The following IKBKB variants were observed in gnomAD, a reference collection of about 807,000 sequenced individuals.
IKBKB encodes inhibitor of nuclear factor kappa-B kinase subunit beta.
Under a neutral mutation model 113.6 loss-of-function variants are expected in IKBKB, and 42 were observed. That is an observed-to-expected ratio of 0.37 (90% CI 0.29 to 0.48). IKBKB has a LOEUF of 0.48. IKBKB is among the 20% of genes least tolerant of loss of function. The pLI is 0.99. For synonymous variants in IKBKB, 296 were observed against 361.3 expected (o/e 0.82, Z 2.05); for missense variants, 673 against 939.7 (o/e 0.72, Z 3.71).
chr8:42,287,521 T>G (rs1585584596), intron 2 of IKBKB, among the ~76,000 whole-genome samples: 1 of 151,962 alleles, frequency 6.6e-6, no homozygotes, highest in Non-Finnish European at 1.5e-5. Context: ...AGCGCCAGGG[T>G]GGGTGGGGCC....
intron 21 of IKBKB, chr8:42,330,171 C>A: frequency 1.0e-6 from 1 of 985,356 alleles, no homozygotes; most frequent in Non-Finnish European, 1.2e-6. Context: ...GGAGTGAGTG[C>A]TGTGAGCCAC....
At chr8:42,328,409 T>G (rs374700100) in intron 20 of IKBKB, among the ~76,000 whole-genome samples, 1 of 152,182 alleles carries the variant, frequency 6.6e-6, no homozygotes, top group Non-Finnish European at 1.5e-5. Context: ...GGCAGAAATG[T>G]GCTCTGAGCT....
intron 5 of IKBKB, among the ~76,000 whole-genome samples, chr8:42,303,508 TTTC>T (rs200863431): frequency 0.027 from 4,054 of 152,028 alleles, 98 homozygotes; most frequent in East Asian, 0.094. Context: ...TCTTTTTCTT[TTTC>T]TTTTTTTTTT....
chr8:42,329,488 G>T (rs1047780539), intron 21 of IKBKB: 1 of 851,254 alleles, frequency 1.2e-6, no homozygotes, highest in African/African-American at 1.8e-5. Flanking sequence ...ACATTCAGCT[G>T]ATTTTTTCAG....
intron 15 of IKBKB, chr8:42,319,939 A>G (rs957978685): frequency 2.8e-6 from 1 of 352,326 alleles, no homozygotes; most frequent in Non-Finnish European, 5.1e-6. Flanking sequence ...CCTGTTAGGA[A>G]GGGCATTGGA....
chr8:42,306,330 C>A lies in IKBKB; in HGVS notation c.478-13C>A. On this transcript the variant is annotated splice_polypyrimidine_tract_variant and intron_variant, in intron 6 of 21. Coordinates refer to ENST00000520810, the MANE Select transcript of IKBKB (RefSeq NM_001556.3). Reference sequence around the variant, plus strand: ...TCTTATAACCCTCAGCTTTCTCCTTCCTTTTGTTTTAGTTAATACACAAAA... The same window carrying A: ...TCTTATAACCCTCAGCTTTCTCCTTACTTTTGTTTTAGTTAATACACAAAA... 1 of 1,545,642 alleles carries A rather than the reference C, an allele frequency of 6.5e-7. No homozygotes were observed. Among genetic ancestry groups the A allele is most frequent in the Non-Finnish European group, 8.9e-7 (1 of 1,117,642 alleles).
In IKBKB at chr8:42,293,647, G is replaced by A. The variant is rs547552140; in HGVS notation, c.388+135G>A. ...GAAGGGGAATGGGAGCCCAGGGACG[G>A]GGGACCCTGGTGGAGTAGGGAGGTC... On this transcript the variant is annotated intron_variant, in intron 5 of 21. Transcript: ENST00000520810. 119 of 1,489,722 alleles carry A rather than the reference G, an allele frequency of 8.0e-5. No homozygotes were observed. The African/African-American group carries it at 1.5e-3, about 19-fold the overall frequency. The allele number at this position is 1,489,722 out of a possible 1,614,324, so 92.3% of individuals were successfully genotyped here.
At chr8:42,300,392 A>G (rs539340994) in intron 5 of IKBKB, among the ~76,000 whole-genome samples, 1 of 152,278 alleles carries the variant, frequency 6.6e-6, no homozygotes, top group South Asian at 2.1e-4. Context: ...CTTTTGGACC[A>G]TTTCTCTTTC....
rs1585794663 is a variant in IKBKB at position 42,321,754 on chromosome 8, G to C, written c.1689-142G>C. ...ATCTGTAATCCCAGCACCTTGGGAT[G>C]CCAAGGCAAGAAGATTGCTTGTGAG... On this transcript the variant is annotated intron_variant, in intron 16 of 21. Coordinates refer to ENST00000520810, the MANE Select transcript of IKBKB (RefSeq NM_001556.3). 4.8e-6 allele frequency: 3 copies of C among 619,896 alleles called. No homozygotes were observed. In the East Asian group the frequency reaches 8.3e-5, roughly 17 times the overall value. 38.4% of individuals were successfully genotyped at this position (619,896 alleles called of 1,614,324 possible).
rs554163153 is a variant in IKBKB at position 42,298,788 on chromosome 8, C to T, written c.388+5276C>T. 1.0e-3 allele frequency among the ~76,000 whole-genome samples: 153 copies of T among 152,224 alleles called. 1 individual carries two copies. Among genetic ancestry groups the T allele is most frequent in the African/African-American group, 3.6e-3 (149 of 41,532 alleles). ...TCTCTAGGGCCCCGTCTCCCTCTAA[C>T]AACTCCATTTCACTGTCCAGAAATC... On this transcript the variant is annotated intron_variant, in intron 5 of 21. Coordinates refer to ENST00000520810, the MANE Select transcript of IKBKB (RefSeq NM_001556.3).
chr8:42,314,774 CAAAA>C (rs915998732), intron 9 of IKBKB, among the ~76,000 whole-genome samples: 1 of 112,806 alleles, frequency 8.9e-6, no homozygotes, highest in Non-Finnish European at 1.8e-5. Flanking sequence ...GACTCCATCT[CAAAA>C]AAAAAAAAAA....
chr8:42,282,215 C>T (rs1338632526), intron 2 of IKBKB, among the ~76,000 whole-genome samples: 4 of 152,130 alleles, frequency 2.6e-5, no homozygotes, highest in Admixed American at 2.6e-4. Flanking sequence ...CAGGGTCTCA[C>T]TCCAGTAGTC....
chr8:42,323,368 C>T (rs749988621), intron 19 of IKBKB, among the ~76,000 whole-genome samples: 17 of 152,232 alleles, frequency 1.1e-4, no homozygotes, highest in African/African-American at 3.1e-4. Flanking sequence ...CTGTGCACAC[C>T]GTCTTAACGT....
At chr8:42,327,165 G>A (rs1347024796) in intron 20 of IKBKB, among the ~76,000 whole-genome samples, 1 of 152,132 alleles carries the variant, frequency 6.6e-6, no homozygotes, top group Non-Finnish European at 1.5e-5. Context: ...GTCCTTGGGA[G>A]TTTGTAGCCT....
At chr8:42,285,755 C>G (rs536445404) in intron 2 of IKBKB, among the ~76,000 whole-genome samples, 19 of 152,280 alleles carry the variant, frequency 1.2e-4, no homozygotes, top group Admixed American at 2.0e-4. Flanking sequence ...AGACGTAAGC[C>G]TGTGGCTGCA....
chr8:42,318,512 G>T, intron 12 of IKBKB, 40 bp from the exon 13 acceptor site: 1 of 1,602,290 alleles, frequency 6.2e-7, no homozygotes, highest in Non-Finnish European at 8.5e-7. Context: ...GAGAGTTATT[G>T]TGGTTATTCT....
At chr8:42,308,161 A>G (rs868081954) in intron 7 of IKBKB, among the ~76,000 whole-genome samples, 1 of 152,010 alleles carries the variant, frequency 6.6e-6, no homozygotes, top group Non-Finnish European at 1.5e-5. Flanking sequence ...ACAGCCTGGC[A>G]TCATTTTCCT....
intron 7 of IKBKB, among the ~76,000 whole-genome samples, chr8:42,308,401 G>A (rs534050928): frequency 2.6e-5 from 4 of 151,082 alleles, no homozygotes; most frequent in Non-Finnish European, 2.9e-5. Flanking sequence ...AGGTTCAAGC[G>A]ATTCTTGTGC....
At chr8:42,272,295 T>G in intron 2 of IKBKB, 90 bp downstream of exon 2, 1 of 1,567,854 alleles carries the variant, frequency 6.4e-7, no homozygotes, top group Non-Finnish European at 8.7e-7. Context: ...GGCCAAGGGC[T>G]CACCTTTGGC....
Sources: allele counts gnomAD v4.1 joint callset (sites outside exome capture counted in the v4.1 genomes callset), GRCh38; gene constraint gnomAD v4.1.1; transcripts MANE v1.5; gene names NCBI Gene and HGNC (gene_info 2026-07-23, HGNC 2026-07-21).